Variants in FAM13C observed in about 807,000 individuals in gnomAD.
The protein encoded by FAM13C is protein FAM13C.
A neutral mutation model predicts 73.2 loss-of-function variants in FAM13C; 37 were observed. The ratio of observed to expected loss-of-function variants is 0.51; its 90% CI spans 0.39 to 0.67. FAM13C has a LOEUF of 0.67. Ranked by LOEUF, FAM13C falls within the 30% of genes least tolerant of loss-of-function variation. The probability of loss-of-function intolerance (pLI) is 0.00; values close to 1 mark genes in which losing one functional copy is unlikely to be tolerated. For synonymous variants in FAM13C, 246 were observed against 260.9 expected (o/e 0.94, Z 0.55); for missense variants, 589 against 715.6 (o/e 0.82, Z 2.02).
Position 59,270,017 on chromosome 10 carries a change from T to C in FAM13C, c.685A>G (p.Ile229Val), listed in dbSNP as rs181798562. The C allele has an allele frequency of 5.0e-6, 8 of 1,613,840 alleles. No homozygotes were observed. The highest frequency in any genetic ancestry group is 6.8e-6 in the Non-Finnish European group (8 of 1,179,904). ...AGCAGTGGGTTATCACCATCAGTGA[T>C]GTGATAGAGCAGCCTGCTGGTCCCC... ...SVGTSRLLYHITDGDNPLLSP... is the reference protein window; with the variant it reads ...SVGTSRLLYHVTDGDNPLLSP... Residue 229 changes from isoleucine (I) to valine (V), a missense_variant, in exon 7 of 14, where the codon ATC becomes GTC. Coordinates refer to ENST00000618804, the MANE Select transcript of FAM13C (RefSeq NM_198215.4).
At chr10:59,284,343 G>A (rs1403325448) in intron 5 of FAM13C, among the ~76,000 whole-genome samples, 1 of 152,000 alleles carries the variant, frequency 6.6e-6, no homozygotes, top group African/African-American at 2.4e-5. Context: ...TCCCTGGCCA[G>A]GCTCTCTCCC....
chr10:59,264,070 T>G lies in FAM13C; in HGVS notation c.1024+15A>C. On this transcript the variant is annotated intron_variant, in intron 9 of 13. Transcript: ENST00000618804. ...CTTCCTTTGTGAGGAAAAAAGATCT[T>G]TGGCTGGGATTTACCTTTGAGCTGT... 6.2e-7 allele frequency: 1 copy of G among 1,611,072 alleles called. No homozygotes were observed. The highest frequency in any genetic ancestry group is 8.5e-7 in the Non-Finnish European group (1 of 1,177,474).
intron 3 of FAM13C, among the ~76,000 whole-genome samples, chr10:59,326,421 T>G (rs1234522176): frequency 6.6e-6 from 1 of 152,104 alleles, no homozygotes; most frequent in Non-Finnish European, 1.5e-5. Context: ...TCCTGAATAC[T>G]GATGAATGGA....
intron 5 of FAM13C, among the ~76,000 whole-genome samples, chr10:59,299,730 G>A (rs1847338057): frequency 2.0e-5 from 3 of 152,078 alleles, no homozygotes; most frequent in Non-Finnish European, 4.4e-5. Context: ...TAAGGTGGAT[G>A]AGACACTGAC....
chr10:59,361,599 CATATTCATATATATATATGT>C (rs1346927381), intron 1 of FAM13C, among the ~76,000 whole-genome samples: 1 of 149,186 alleles, frequency 6.7e-6, no homozygotes, highest in East Asian at 1.9e-4. Flanking sequence ...AGATGAAGTA[CATATTCATATATATATATGT>C]ATATATAAAT....
chr10:59,344,057 G>A (rs921229896), intron 3 of FAM13C, among the ~76,000 whole-genome samples: 1 of 150,244 alleles, frequency 6.7e-6, no homozygotes, highest in Admixed American at 6.6e-5. Flanking sequence ...TGCCTCCCGG[G>A]TTCCCGCCAT....
chr10:59,269,886 A>G lies in FAM13C; in HGVS notation c.803+13T>C. ...TGTATGAAATGAAGACAATAACAAA[A>G]CAGTTTTCTCACATCATAAACTGCT... On this transcript the variant is annotated intron_variant, in intron 7 of 13. Transcript: ENST00000618804. 1 of 1,613,236 alleles carries G rather than the reference A, an allele frequency of 6.2e-7. No homozygotes were observed. Among genetic ancestry groups the G allele is most frequent in the Non-Finnish European group, 8.5e-7 (1 of 1,179,502 alleles).
Position 59,252,865 on chromosome 10 carries a change from A to G in FAM13C, c.1466T>C (p.Leu489Ser), listed in dbSNP as rs940280885. ...SNETEPVRAL[L>S]PDEKKEVKPP... ...TTTTACTTCTTTCTTTTCATCTGGT[A>G]AAAGGGCCCTAACAGGCTCAGTCTC... The change falls in exon 12 of 14, where the codon TTA becomes TCA. Residue 489 changes from leucine to serine, a missense_variant. By Grantham distance (145) the Leu-to-Ser change is moderately radical (BLOSUM62 -2). Transcript: ENST00000618804. 3 of 1,613,994 alleles carry G rather than the reference A, an allele frequency of 1.9e-6. No homozygotes were observed. Among genetic ancestry groups the G allele is most frequent in the African/African-American group, 2.7e-5 (2 of 74,930 alleles).
chr10:59,247,801 A>G, intron 13 of FAM13C, 64 bp from the exon 14 acceptor site: 2 of 1,519,866 alleles, frequency 1.3e-6, no homozygotes, highest in Non-Finnish European at 1.8e-6. Flanking sequence ...ACATTCTTTT[A>G]TAATTCATAC....
At chr10:59,275,747 A>G (rs1294656659) in intron 6 of FAM13C, among the ~76,000 whole-genome samples, 8 of 152,198 alleles carry the variant, frequency 5.3e-5, no homozygotes, top group Admixed American at 5.2e-4. Flanking sequence ...TTGGCCAGGC[A>G]AGTCTCTTCA....
chr10:59,304,834 C>CGGGGGAGGGGGAGGGGGA (rs1251595428), intron 4 of FAM13C, among the ~76,000 whole-genome samples: 1 of 33,642 alleles, frequency 3.0e-5, no homozygotes, highest in Non-Finnish European at 5.0e-5. Flanking sequence ...GGGGAGGGGG[C>CGGGGGAGGGGGAGGGGGA]GGGGGAGGGG....
At chr10:59,260,442 C>T (rs777824160) in intron 10 of FAM13C, among the ~76,000 whole-genome samples, 1 of 152,164 alleles carries the variant, frequency 6.6e-6, no homozygotes, top group Non-Finnish European at 1.5e-5. Context: ...ACAACAAGCT[C>T]TTCCTTTCAT....
At chr10:59,359,547 G>T (rs1321645822) in intron 1 of FAM13C, among the ~76,000 whole-genome samples, 1 of 152,156 alleles carries the variant, frequency 6.6e-6, no homozygotes, top group Admixed American at 6.5e-5. Flanking sequence ...TCAAAATGTG[G>T]CCCCTTGCAT....
chr10:59,362,883 C>A, upstream of FAM13C: 1 of 211,020 alleles, frequency 4.7e-6, no homozygotes, highest in East Asian at 1.5e-4. Flanking sequence ...TGCTTTCTTC[C>A]ACATGTCTCC....
intron 4 of FAM13C, among the ~76,000 whole-genome samples, chr10:59,308,569 CCATCACCACCACCAGCACCACCAACCAG>C (rs1486966070): frequency 2.0e-5 from 3 of 151,214 alleles, no homozygotes; most frequent in African/African-American, 7.3e-5. Context: ...CCACCAACCA[CCATCACCACCACCAGCACCACCAACCAG>C]CATCACCATC....
At chr10:59,284,033 G>GTGTGTGTGTGTT (rs779603238) in intron 5 of FAM13C, among the ~76,000 whole-genome samples, 3 of 146,436 alleles carry the variant, frequency 2.0e-5, no homozygotes, top group African/African-American at 7.8e-5. Flanking sequence ...GCTGGGGTAT[G>GTGTGTGTGTGTT]TGTGTGTGTG....
rs1438708154 is a variant in FAM13C at position 59,351,774 on chromosome 10, A to G, written c.324+496T>C. 7.2e-5 allele frequency among the ~76,000 whole-genome samples: 11 copies of G among 152,140 alleles called. No homozygotes were observed. The East Asian group carries it at 1.7e-3, about 24-fold the overall frequency. On this transcript the variant is annotated intron_variant, in intron 3 of 13. Transcript: ENST00000618804. ...TTTGGGAGGCCGAGGCGGGTGGATCACCTGAGGTCAGGTGTTGGAGACCAG... is the reference window on the plus strand; with the variant it reads ...TTTGGGAGGCCGAGGCGGGTGGATCGCCTGAGGTCAGGTGTTGGAGACCAG...
intron 5 of FAM13C, among the ~76,000 whole-genome samples, chr10:59,287,033 CAAAAAAAAAAAA>C (rs1202727571): frequency 2.6e-5 from 1 of 38,970 alleles, no homozygotes; most frequent in Non-Finnish European, 5.1e-5. Flanking sequence ...GACTCCATCT[CAAAAAAAAAAAA>C]AAAAAAAAAG....
intron 3 of FAM13C, 128 bp from the exon 4 acceptor site, chr10:59,324,234 G>T: frequency 1.4e-6 from 1 of 694,802 alleles, no homozygotes; most frequent in Non-Finnish European, 2.4e-6. Context: ...ATTGTAGTGT[G>T]GGAAGGGAGC....
Sources: allele counts gnomAD v4.1 joint callset (sites outside exome capture counted in the v4.1 genomes callset), GRCh38; gene constraint gnomAD v4.1.1; transcripts MANE v1.5; gene names NCBI Gene and HGNC (gene_info 2026-07-23, HGNC 2026-07-21).